Variants in CNTN5 observed in about 807,000 individuals in gnomAD.
CNTN5 encodes contactin-5.
A neutral mutation model predicts 129.1 loss-of-function variants in CNTN5; 77 were observed. The ratio of observed to expected loss-of-function variants is 0.60; its 90% CI spans 0.50 to 0.72. The LOEUF is 0.72. CNTN5 is among the 30% of genes least tolerant of loss of function. The pLI is 0.00. For synonymous variants in CNTN5, 509 were observed against 465.6 expected, an observed-to-expected ratio of 1.09 and a Z score of -1.20; for missense variants, 1,478 against 1,328.8, an observed-to-expected ratio of 1.11 and a Z score of -1.75.
At chr11:99,037,730 C>A (rs1025466548) in intron 1 of CNTN5, among the ~76,000 whole-genome samples, 2 of 151,642 alleles carry the variant, frequency 1.3e-5, no homozygotes, top group African/African-American at 2.4e-5. Context: ...CAAGCACGCC[C>A]CACCACGCAC....
intron 15 of CNTN5, among the ~76,000 whole-genome samples, chr11:100,203,761 G>GC (rs1948841624): frequency 7.2e-6 from 1 of 139,408 alleles, no homozygotes. Context: ...TTATCATACT[G>GC]CCCCTCCCCA....
rs963081506 is a variant in CNTN5 at position 99,524,822 on chromosome 11, G to A, written c.-70-31323G>A. Among the ~76,000 whole-genome samples the A allele has an allele frequency of 4.0e-5, 6 of 151,666 alleles. No homozygotes were observed. In the South Asian group the frequency reaches 6.3e-4, roughly 16 times the overall value. ...CATCTCAAAAAAAAACAAAAAAAAA[G>A]TGTATTTATATGTATATATATTTTC... On this transcript the variant is annotated intron_variant, in intron 2 of 24. Transcript: ENST00000524871.
At chr11:99,270,151 A>G (rs981161079) in intron 1 of CNTN5, among the ~76,000 whole-genome samples, 16 of 151,772 alleles carry the variant, frequency 1.1e-4, no homozygotes, top group Admixed American at 2.6e-4. Flanking sequence ...GTTTTATTTC[A>G]TTTTTAACTG....
At chr11:100,111,207 T>C (rs1945648982) in intron 13 of CNTN5, among the ~76,000 whole-genome samples, 1 of 152,178 alleles carries the variant, frequency 6.6e-6, no homozygotes, top group South Asian at 2.1e-4. Context: ...GACTAACCTT[T>C]TTCCACTTAA....
At chr11:100,299,097 A>G (rs1944180) in intron 19 of CNTN5, 65 bp from the exon 20 acceptor site, 894,828 of 1,099,514 alleles carry the variant, frequency 0.81, 373,817 homozygotes, top group South Asian at 0.91. Context: ...TTAATTAAGA[A>G]TTTGGAGAAA....
intron 13 of CNTN5, among the ~76,000 whole-genome samples, chr11:100,144,086 A>G (rs1946777251): frequency 6.6e-6 from 1 of 152,176 alleles, no homozygotes; most frequent in Non-Finnish European, 1.5e-5. Flanking sequence ...TTCAAGCTCA[A>G]TCATGACTAT....
intron 1 of CNTN5, among the ~76,000 whole-genome samples, chr11:99,096,282 A>C (rs1178144994): frequency 1.3e-5 from 2 of 151,860 alleles, no homozygotes; most frequent in Non-Finnish European, 3.0e-5. Flanking sequence ...TTTCTGTGCA[A>C]TTACTTTTGG....
At chr11:99,360,608 C>T (rs530839618) in intron 2 of CNTN5, among the ~76,000 whole-genome samples, 1 of 152,262 alleles carries the variant, frequency 6.6e-6, no homozygotes, top group East Asian at 1.9e-4. Flanking sequence ...TGAGTTTTGC[C>T]TTTCGTCATA....
intron 9 of CNTN5, among the ~76,000 whole-genome samples, chr11:100,060,702 C>T (rs986918978): frequency 2.7e-5 from 4 of 148,166 alleles, no homozygotes; most frequent in Admixed American, 6.8e-5. Context: ...TGCAGTGGCG[C>T]GATCTCGGCT....
intron 1 of CNTN5, among the ~76,000 whole-genome samples, chr11:99,124,888 C>T (rs536106019): frequency 2.5e-4 from 38 of 152,046 alleles, no homozygotes; most frequent in African/African-American, 9.2e-4. Flanking sequence ...AATTCCTGGA[C>T]ACATACAACC....
chr11:99,901,117 C>G (rs1189391389), intron 6 of CNTN5, among the ~76,000 whole-genome samples: 1 of 152,112 alleles, frequency 6.6e-6, no homozygotes, highest in African/African-American at 2.4e-5. Flanking sequence ...TTAAAACACA[C>G]ATATATAAAT....
intron 2 of CNTN5, among the ~76,000 whole-genome samples, chr11:99,434,599 A>G (rs1943528835): frequency 1.3e-5 from 2 of 152,188 alleles, no homozygotes; most frequent in African/African-American, 4.8e-5. Context: ...CGGCAAGTTT[A>G]TTCCAACGTA....
At position 99,477,550 on chromosome 11, in the gene CNTN5, G is replaced by A. The variant is rs187802064; in HGVS notation, c.-70-78595G>A. 3.1e-3 allele frequency among the ~76,000 whole-genome samples: 466 copies of A among 151,860 alleles called. 3 individuals carry two copies. Among genetic ancestry groups the A allele is most frequent in the African/African-American group, 9.0e-3 (374 of 41,462 alleles). On this transcript the variant is annotated intron_variant, in intron 2 of 24. Coordinates refer to ENST00000524871, the MANE Select transcript of CNTN5 (RefSeq NM_014361.4). ...ATATAGAGACAGAAATGGTATATGCGTTTATAGACAAACATACATATAAAG... is the reference window on the plus strand; with the variant it reads ...ATATAGAGACAGAAATGGTATATGCATTTATAGACAAACATACATATAAAG...
At chr11:99,902,023 A>G (rs1017147852) in intron 6 of CNTN5, among the ~76,000 whole-genome samples, 4 of 152,160 alleles carry the variant, frequency 2.6e-5, no homozygotes, top group African/African-American at 9.7e-5. Context: ...AAGAGATGTA[A>G]TTCAAATCCA....
chr11:100,211,659 G>A (rs974639821), intron 15 of CNTN5, among the ~76,000 whole-genome samples: 2 of 152,132 alleles, frequency 1.3e-5, no homozygotes, highest in African/African-American at 4.8e-5. Flanking sequence ...CATACAAGTT[G>A]ATTAGTTTAT....
At chr11:100,338,654 A>G (rs1407690516) in intron 21 of CNTN5, among the ~76,000 whole-genome samples, 1 of 152,132 alleles carries the variant, frequency 6.6e-6, no homozygotes, top group African/African-American at 2.4e-5. Flanking sequence ...CCTTTGTGGG[A>G]GGGAGCACAT....
intron 20 of CNTN5, among the ~76,000 whole-genome samples, chr11:100,306,662 T>G (rs1415815263): frequency 1.3e-5 from 2 of 151,602 alleles, no homozygotes; most frequent in Non-Finnish European, 3.0e-5. Context: ...ACTTGCAAAA[T>G]CAAGAATTTT....
At chr11:99,375,810 A>G (rs1319679021) in intron 2 of CNTN5, among the ~76,000 whole-genome samples, 1 of 152,202 alleles carries the variant, frequency 6.6e-6, no homozygotes, top group African/African-American at 2.4e-5. Context: ...TCTCAATCCT[A>G]GAAAGCACAC....
chr11:100,044,985 T>A (rs950762334), intron 9 of CNTN5, among the ~76,000 whole-genome samples: 5 of 152,110 alleles, frequency 3.3e-5, no homozygotes, highest in Non-Finnish European at 7.4e-5. Flanking sequence ...TTCTTACTAT[T>A]AGGTCTCCTT....
Sources: allele counts gnomAD v4.1 joint callset (sites outside exome capture counted in the v4.1 genomes callset), GRCh38; gene constraint gnomAD v4.1.1; transcripts MANE v1.5; gene names NCBI Gene and HGNC (gene_info 2026-07-23, HGNC 2026-07-21).